The following PCDHA8 variants were observed in gnomAD, a reference collection of about 807,000 sequenced individuals.
The protein encoded by PCDHA8 is protocadherin alpha-8.
In PCDHA8, 53 loss-of-function variants were observed where a neutral mutation model predicts 61.8. The observed-to-expected ratio is 0.86, with a 90% CI of 0.69 to 1.08. The LOEUF (loss-of-function observed/expected upper bound fraction) is 1.08. Ranked by LOEUF, PCDHA8 falls within the 50% of genes least tolerant of loss-of-function variation. The pLI, the probability that PCDHA8 is intolerant of heterozygous loss-of-function variation, is 0.00. For synonymous variants in PCDHA8, 618 were observed against 556.6 expected, an observed-to-expected ratio of 1.11 and a Z score of -1.55; for missense variants, 1,293 against 1,245.0, an observed-to-expected ratio of 1.04 and a Z score of -0.58.
chr5:140,862,554 A>G, intron 1 of PCDHA8: 3 of 464,416 alleles, frequency 6.5e-6, no homozygotes, highest in Non-Finnish European at 1.3e-5. Context: ...GTGGCCGAAC[A>G]GTGAACCACA....
intron 1 of PCDHA8, among the ~76,000 whole-genome samples, chr5:140,904,727 A>G (rs953402398): frequency 7.2e-5 from 11 of 151,992 alleles, no homozygotes; most frequent in African/African-American, 2.4e-4. Flanking sequence ...GCCAACATCT[A>G]TTATTTTTTT....
chr5:140,884,138 G>A (rs782798249), intron 1 of PCDHA8: 3 of 1,613,410 alleles, frequency 1.9e-6, no homozygotes, highest in South Asian at 1.1e-5. Context: ...CCCGTTCCGC[G>A]TGGGGCTGTA....
At chr5:140,868,966 A>G (rs2050768695) in intron 1 of PCDHA8, 1 of 1,433,890 alleles carries the variant, frequency 7.0e-7, no homozygotes, top group Non-Finnish European at 9.3e-7. Flanking sequence ...CATACAAAGG[A>G]ACTCCATCAT....
At chr5:140,896,882 T>C (rs1345268084) in intron 1 of PCDHA8, among the ~76,000 whole-genome samples, 1 of 152,198 alleles carries the variant, frequency 6.6e-6, no homozygotes. Flanking sequence ...TTATGGGGTA[T>C]ATGAGACATT....
Position 140,841,786 on chromosome 5 carries a change from G to C in PCDHA8, c.465G>C (p.Glu155Asp). Residue 155 changes from glutamate (E) to aspartate (D), a missense_variant, in exon 1 of 4, where the codon GAG becomes GAC. Coordinates refer to ENST00000531613, the MANE Select transcript of PCDHA8 (RefSeq NM_018911.3). ...SRMPDSRFPL[E>D]GASDADVGAN... ...TGCCAGACTCTCGGTTTCCGCTAGAGGGCGCGTCCGATGCAGATGTTGGAG... is the reference window on the plus strand; with the variant it reads ...TGCCAGACTCTCGGTTTCCGCTAGACGGCGCGTCCGATGCAGATGTTGGAG... The C allele has an allele frequency of 6.2e-7, 1 of 1,613,902 alleles. No individual in the cohort carries two copies. The highest frequency in any genetic ancestry group is 8.5e-7 in the Non-Finnish European group (1 of 1,179,864).
At chr5:140,851,826 T>A (rs2042172303) in intron 1 of PCDHA8, 1 of 965,750 alleles carries the variant, frequency 1.0e-6, no homozygotes, top group Non-Finnish European at 1.3e-6. Context: ...GAAATCTGTT[T>A]TTTTAAAAAT....
At chr5:140,974,098 T>C (rs1316262429) in intron 1 of PCDHA8, among the ~76,000 whole-genome samples, 1 of 152,262 alleles carries the variant, frequency 6.6e-6, no homozygotes, top group Non-Finnish European at 1.5e-5. Flanking sequence ...AATCAAAGGT[T>C]AAAAGTATTC....
At chr5:140,878,832 G>A (rs1416879653) in intron 1 of PCDHA8, among the ~76,000 whole-genome samples, 1 of 152,138 alleles carries the variant, frequency 6.6e-6, no homozygotes, top group African/African-American at 2.4e-5. Flanking sequence ...TGCACAGGCT[G>A]GACTAGAACT....
intron 1 of PCDHA8, chr5:140,850,781 G>A: frequency 6.3e-7 from 1 of 1,598,212 alleles, no homozygotes; most frequent in East Asian, 2.2e-5. Context: ...GCTCTGGCGA[G>A]GGTAAGCAGA....
intron 1 of PCDHA8, among the ~76,000 whole-genome samples, chr5:140,922,935 G>A (rs1484457119): frequency 6.6e-6 from 1 of 152,130 alleles, no homozygotes; most frequent in Non-Finnish European, 1.5e-5. Flanking sequence ...TTTACTTCCA[G>A]CAATGGAAAT....
At chr5:140,848,272 A>G (rs1781411932) in intron 1 of PCDHA8, 2 of 538,068 alleles carry the variant, frequency 3.7e-6, no homozygotes, top group Non-Finnish European at 6.6e-6. Context: ...TATTCATGAA[A>G]TATGTACTTA....
intron 1 of PCDHA8, among the ~76,000 whole-genome samples, chr5:140,893,379 ACAG>A (rs2063957000): frequency 6.6e-6 from 1 of 152,140 alleles, no homozygotes; most frequent in South Asian, 2.1e-4. Context: ...CATTTATGGG[ACAG>A]TGGCTCATGC....
At position 140,924,416 on chromosome 5, in the gene PCDHA8, T is replaced by A. The variant is rs1283567998; in HGVS notation, c.2395-54533T>A. 1.3e-5 allele frequency among the ~76,000 whole-genome samples: 2 copies of A among 152,192 alleles called. 1 individual carries two copies. The highest frequency in any genetic ancestry group is 4.1e-4 in the South Asian group (2 of 4,830). ...TATTGCCTTATATCACAGTGTGCCC[T>A]TTCTAGTTCCCTAGAAGAGATAACG... is the stretch of plus-strand genomic sequence containing the variant. On this transcript the variant is annotated intron_variant, in intron 1 of 3. Coordinates refer to ENST00000531613, the MANE Select transcript of PCDHA8 (RefSeq NM_018911.3).
chr5:141,000,015 G>A (rs960608216), intron 3 of PCDHA8, among the ~76,000 whole-genome samples: 8 of 151,984 alleles, frequency 5.3e-5, no homozygotes, highest in Non-Finnish European at 5.9e-5. Flanking sequence ...CCTCCCCATT[G>A]CTAAGCCTGA....
rs2150320431 is a variant in PCDHA8 at position 140,841,664 on chromosome 5, C to A, written c.343C>A (p.Gln115Lys). ...GGAGGTGATCGTGGACAGGCCGCTGCAGGTTTTCCATGTGGACGTGGAGGT... is the reference window on the plus strand; with the variant it reads ...GGAGGTGATCGTGGACAGGCCGCTGAAGGTTTTCCATGTGGACGTGGAGGT... The part of the protein sequence containing the change: ...HLEVIVDRPL[Q>K]VFHVDVEVKD... The change falls in exon 1 of 4, where the codon CAG becomes AAG. Residue 115 changes from glutamine (Q) to lysine (K), a missense_variant. By Grantham distance (53) the Gln-to-Lys change is moderately conservative. Coordinates refer to ENST00000531613, the MANE Select transcript of PCDHA8 (RefSeq NM_018911.3). 3 of 1,613,958 alleles carry A rather than the reference C, an allele frequency of 1.9e-6. No homozygotes were observed. In the African/African-American group the frequency reaches 4.0e-5, roughly 22 times the overall value.
chr5:140,851,194 T>G (rs1484208641), intron 1 of PCDHA8: 1 of 1,213,702 alleles, frequency 8.2e-7, no homozygotes, highest in Non-Finnish European at 1.1e-6. Flanking sequence ...AATTTAGTTG[T>G]TAGTCATTCA....
intron 1 of PCDHA8, chr5:140,882,748 A>C: frequency 1.2e-6 from 2 of 1,614,258 alleles, no homozygotes; most frequent in Non-Finnish European, 1.7e-6. Flanking sequence ...CATCCGATGC[A>C]GATATTGGAG....
chr5:140,951,196 T>A (rs1438872650), intron 1 of PCDHA8, among the ~76,000 whole-genome samples: 1 of 152,190 alleles, frequency 6.6e-6, no homozygotes, highest in African/African-American at 2.4e-5. Context: ...AATTCCCACA[T>A]CTGTGTCATC....
chr5:140,903,401 T>C (rs577425497), intron 1 of PCDHA8, among the ~76,000 whole-genome samples: 1 of 152,218 alleles, frequency 6.6e-6, no homozygotes, highest in Non-Finnish European at 1.5e-5. Context: ...GAAACAGTAG[T>C]GCAGTCAGGA....
Sources: gnomAD v4.1 joint callset for allele counts (sites outside exome capture counted in the v4.1 genomes callset) on GRCh38, gnomAD v4.1.1 for gene constraint, MANE v1.5 for transcripts, NCBI Gene and HGNC (gene_info 2026-07-23, HGNC 2026-07-21) for gene names.